The following PARD3 variants were observed in gnomAD, a reference collection of about 807,000 sequenced individuals.
The protein encoded by PARD3 is par-3 family cell polarity regulator.
PARD3 carries 75 observed loss-of-function variants against 155.4 expected under a neutral mutation model. The observed-to-expected ratio is 0.48, with a 90% CI of 0.40 to 0.58. PARD3 has a LOEUF of 0.58. Among genes scored for constraint, PARD3 ranks in the 20% least tolerant of loss-of-function variants. PARD3 has a pLI of 0.00. For synonymous variants in PARD3, 576 were observed against 610.5 expected, an observed-to-expected ratio of 0.94 and a Z score of 0.83; for missense variants, 1,642 against 1,721.7, an observed-to-expected ratio of 0.95 and a Z score of 0.82.
At chr10:34,330,558 C>A (rs1237864116) in intron 19 of PARD3, among the ~76,000 whole-genome samples, 2 of 152,140 alleles carry the variant, frequency 1.3e-5, no homozygotes, top group East Asian at 3.9e-4. Context: ...ATGGAGACAT[C>A]CTATTTGAGA....
chr10:34,697,567 AT>A (rs1271677613), intron 1 of PARD3, among the ~76,000 whole-genome samples: 3 of 152,178 alleles, frequency 2.0e-5, no homozygotes, highest in Non-Finnish European at 4.4e-5. Flanking sequence ...CGGAACACTT[AT>A]TTTAAAAATG....
intron 5 of PARD3, among the ~76,000 whole-genome samples, chr10:34,417,477 T>C (rs1845781865): frequency 6.6e-6 from 1 of 152,172 alleles, no homozygotes; most frequent in Non-Finnish European, 1.5e-5. Flanking sequence ...CAACATTGTG[T>C]CTCCTCTCTA....
intron 2 of PARD3, among the ~76,000 whole-genome samples, chr10:34,519,802 A>G (rs970421204): frequency 9.9e-5 from 15 of 150,892 alleles, no homozygotes; most frequent in African/African-American, 3.4e-4. Context: ...AAACAGAGCG[A>G]GACTCCATCT....
At chr10:34,784,448 T>C (rs1054618778) in intron 1 of PARD3, among the ~76,000 whole-genome samples, 3 of 128,254 alleles carry the variant, frequency 2.3e-5, no homozygotes, top group African/African-American at 1.1e-4. Context: ...ACATACTTTT[T>C]TTTTTTTTGG....
chr10:34,281,015 C>T (rs1365199920), intron 21 of PARD3, among the ~76,000 whole-genome samples: 2 of 152,110 alleles, frequency 1.3e-5, no homozygotes, highest in African/African-American at 4.8e-5. Flanking sequence ...TATATACTAC[C>T]ATTTAAAAAT....
chr10:34,383,413 T>A (rs991268894), intron 8 of PARD3, among the ~76,000 whole-genome samples: 14 of 98,016 alleles, frequency 1.4e-4, no homozygotes, highest in African/African-American at 7.3e-4. Context: ...ACACACACAC[T>A]TAGAAGACTA....
intron 22 of PARD3, among the ~76,000 whole-genome samples, chr10:34,243,351 T>C (rs1362422241): frequency 6.6e-6 from 1 of 152,188 alleles, no homozygotes; most frequent in Non-Finnish European, 1.5e-5. Context: ...CATTGCCCAA[T>C]ACATCACATT....
In PARD3 at chr10:34,543,670, TA is replaced by T. The variant is rs375854766; in HGVS notation, c.223-26512del. On this transcript the variant is annotated intron_variant, in intron 2 of 24. Coordinates refer to ENST00000374788, the MANE Select transcript of PARD3 (RefSeq NM_001184785.2). ...AGAGGTTTTGTCAAAAATATTTTTT[TA>T]AATCACAGTCTAAATGTTAGCCATT... Among the ~76,000 whole-genome samples, 242 of 152,326 alleles carry T rather than the reference TA, an allele frequency of 1.6e-3. 1 individual carries two copies. The highest frequency in any genetic ancestry group is 0.01 in the Middle Eastern group (3 of 294).
chr10:34,799,361 G>A (rs922463645), intron 1 of PARD3, among the ~76,000 whole-genome samples: 6 of 151,950 alleles, frequency 3.9e-5, no homozygotes, highest in African/African-American at 7.3e-5. Flanking sequence ...ATTCCTATAC[G>A]GAGGTGTCTA....
intron 1 of PARD3, among the ~76,000 whole-genome samples, chr10:34,759,963 C>A (rs1837232716): frequency 6.6e-6 from 1 of 152,130 alleles, no homozygotes; most frequent in South Asian, 2.1e-4. Context: ...GAGTGGAATT[C>A]CTTTATTCGT....
chr10:34,274,933 C>T (rs1029211815), intron 21 of PARD3, among the ~76,000 whole-genome samples: 4 of 152,180 alleles, frequency 2.6e-5, no homozygotes, highest in Non-Finnish European at 5.9e-5. Context: ...CATTATATTA[C>T]TGATGGGTTC....
chr10:34,355,948 AAAACAAAACC>A (rs762019991), intron 14 of PARD3, among the ~76,000 whole-genome samples: 1,395 of 127,604 alleles, frequency 0.011, 26 homozygotes, highest in African/African-American at 0.031. Flanking sequence ...AAAAAAAAAC[AAAACAAAACC>A]AAACAAAAAA....
intron 14 of PARD3, among the ~76,000 whole-genome samples, chr10:34,349,060 T>C (rs2134378358): frequency 6.6e-6 from 1 of 152,266 alleles, no homozygotes; most frequent in East Asian, 1.9e-4. Context: ...CAAGGACTGG[T>C]ATCTCATGAT....
chr10:34,558,616 C>T (rs2085203433), intron 2 of PARD3, among the ~76,000 whole-genome samples: 1 of 152,120 alleles, frequency 6.6e-6, no homozygotes. Flanking sequence ...TTTACCTTTA[C>T]TCCAATTATT....
intron 23 of PARD3, among the ~76,000 whole-genome samples, chr10:34,121,232 C>G (rs7909689): frequency 0.26 from 39,419 of 152,136 alleles, 5,450 homozygotes; most frequent in Middle Eastern, 0.39. Flanking sequence ...ACAATGGTTA[C>G]CTTACCTTCT....
intron 23 of PARD3, among the ~76,000 whole-genome samples, chr10:34,119,991 C>G (rs932392128): frequency 1.0e-4 from 12 of 114,400 alleles, no homozygotes; most frequent in Admixed American, 2.7e-4. Context: ...ATCAAACTTT[C>G]TAGTCTTCTT....
At chr10:34,554,476 G>C (rs529148418) in intron 2 of PARD3, among the ~76,000 whole-genome samples, 5 of 152,108 alleles carry the variant, frequency 3.3e-5, no homozygotes. Flanking sequence ...TTTAATGAAG[G>C]CCTTTTTTAA....
intron 2 of PARD3, among the ~76,000 whole-genome samples, chr10:34,639,568 G>A (rs983608045): frequency 3.9e-5 from 6 of 152,020 alleles, no homozygotes; most frequent in African/African-American, 1.5e-4. Context: ...TACAAAACAC[G>A]GAAAACAGAC....
intron 2 of PARD3, among the ~76,000 whole-genome samples, chr10:34,633,202 T>C (rs964962210): frequency 5.9e-5 from 9 of 152,190 alleles, no homozygotes; most frequent in Non-Finnish European, 1.3e-4. Flanking sequence ...CTCAGCAGTA[T>C]TAAAATGTAC....
Sources: allele counts gnomAD v4.1 joint callset (sites outside exome capture counted in the v4.1 genomes callset), GRCh38; gene constraint gnomAD v4.1.1; transcripts MANE v1.5; gene names NCBI Gene and HGNC (gene_info 2026-07-23, HGNC 2026-07-21).